The following TMEM184A variants were observed in gnomAD, a reference collection of about 807,000 sequenced individuals.
TMEM184A encodes transmembrane protein 184A.
Under a neutral mutation model 39.5 loss-of-function variants are expected in TMEM184A, and 40 were observed. The observed-to-expected ratio is 1.01, with a 90% CI of 0.79 to 1.32. The LOEUF (loss-of-function observed/expected upper bound fraction) is 1.32, where lower values mean the gene tolerates loss of function less well. Among genes scored for constraint, TMEM184A ranks in the 40% most tolerant of loss-of-function variants. TMEM184A has a pLI of 0.00. For missense variants in TMEM184A, 603 were observed against 568.8 expected, an observed-to-expected ratio of 1.06 and a Z score of -0.61; for synonymous variants, 280 against 252.3, an observed-to-expected ratio of 1.11 and a Z score of -1.04.
intron 6 of TMEM184A, chr7:1,549,015 TCCACCTGG>T (rs551403433): frequency 2.6e-4 from 142 of 538,148 alleles, no homozygotes; most frequent in African/African-American, 2.4e-3. Context: ...CCCAACCCCG[TCCACCTGG>T]CCACTGCCTG....
rs1784381978 is a variant in TMEM184A, at chr7:1,547,104, T to G, written c.1090A>C (p.Ile364Leu). 1 of 1,610,202 alleles carries G rather than the reference T, an allele frequency of 6.2e-7. No homozygotes were observed. The highest frequency in any genetic ancestry group is 1.7e-5 in the Admixed American group (1 of 59,966). ...TGGTAGGCGGGGGAGAAGTTGTGGATGGCGTCCTGCACGATGTCCTGGGGG... is the reference window on the plus strand; with the variant it reads ...TGGTAGGCGGGGGAGAAGTTGTGGAGGGCGTCCTGCACGATGTCCTGGGGG... ...VSPQDIVQDA[I>L]HNFSPAYQHY... The change falls in exon 9 of 9, where the codon ATC becomes CTC. Residue 364 changes from isoleucine to leucine, a missense_variant. By Grantham distance (5) the Ile-to-Leu change is conservative. Coordinates refer to ENST00000297477, the MANE Select transcript of TMEM184A (RefSeq NM_001097620.2).
At position 1,555,125 on chromosome 7, in the gene TMEM184A, C is replaced by T. The variant is rs1156458657; in HGVS notation, c.219+141G>A. 2 of 662,210 alleles carry T rather than the reference C, an allele frequency of 3.0e-6. No individual in the cohort carries two copies. Among genetic ancestry groups the T allele is most frequent in the South Asian group, 2.2e-5 (1 of 45,866 alleles). The allele number at this position is 662,210 out of a possible 1,614,324, so 41.0% of individuals were successfully genotyped here. On this transcript the variant is annotated intron_variant, in intron 2 of 8. Transcript: ENST00000297477. The surrounding 1 kb of genome is among the most constrained non-coding windows in gnomAD (Gnocchi z 5.2). ...TCCCACATGCCACATCCTGGGGAAGCTCATCCCCTCCCCCGTGCCCTGGCC... is the reference window on the plus strand; with the variant it reads ...TCCCACATGCCACATCCTGGGGAAGTTCATCCCCTCCCCCGTGCCCTGGCC...
At chr7:1,548,028 G>A (rs1784417529) in intron 7 of TMEM184A, 89 bp from the exon 8 acceptor site, 7 of 1,412,124 alleles carry the variant, frequency 5.0e-6, no homozygotes, top group South Asian at 1.3e-5. Flanking sequence ...CTCCTCTGAC[G>A]GGTGCTGTGA....
intron 3 of TMEM184A, 59 bp from the exon 4 acceptor site, chr7:1,550,454 G>A: frequency 1.4e-6 from 2 of 1,433,238 alleles, no homozygotes; most frequent in South Asian, 1.2e-5. Context: ...GGACCCCATG[G>A]CGCCCATCTC....
chr7:1,550,895 C>G lies in TMEM184A; in HGVS notation c.307G>C (p.Asp103His). The change falls in exon 3 of 9, where the codon GAC becomes CAC. Residue 103 changes from aspartate (D) to histidine (H), a missense_variant. Physicochemically the swap from Asp to His is moderately conservative, Grantham distance 81 (BLOSUM62 -1). Coordinates refer to ENST00000297477, the MANE Select transcript of TMEM184A (RefSeq NM_001097620.2). ...LLLIVPIYAF[D>H]SWLSLLLLGD... ...AGGAGGAGGAGGCTGAGCCAGGAGT[C>G]GAAGGCGTAGATGGGCACGATGAGG... 1 of 1,613,782 alleles carries G rather than the reference C, an allele frequency of 6.2e-7. No individual in the cohort carries two copies. Among genetic ancestry groups the G allele is most frequent in the African/African-American group, 1.3e-5 (1 of 75,036 alleles).
intron 6 of TMEM184A, 73 bp from the exon 7 acceptor site, chr7:1,548,761 G>C: frequency 1.3e-6 from 2 of 1,532,952 alleles, no homozygotes; most frequent in South Asian, 2.3e-5. Flanking sequence ...AGCCACCGCC[G>C]CTGCACCCTC....
intron 8 of TMEM184A, 27 bp from the exon 9 acceptor site, chr7:1,547,208 A>C (rs1402726462): frequency 1.5e-6 from 2 of 1,353,508 alleles, no homozygotes; most frequent in Admixed American, 3.6e-5. Flanking sequence ...TATGAGCCCC[A>C]CCATCCCCCC....
chr7:1,551,284 C>T (rs1235483935), intron 2 of TMEM184A, among the ~76,000 whole-genome samples: 2 of 81,156 alleles, frequency 2.5e-5, no homozygotes, highest in Non-Finnish European at 4.9e-5. Context: ...CAGGAGGGTT[C>T]GGGTGAGAGC....
chr7:1,551,140 G>T (rs1784576687), intron 2 of TMEM184A, among the ~76,000 whole-genome samples, 158 bp from the exon 3 acceptor site: 1 of 115,284 alleles, frequency 8.7e-6, no homozygotes, highest in Non-Finnish European at 1.8e-5. Context: ...CCGGGAAGGA[G>T]GTGGGGGTGG....
chr7:1,555,495 A>C lies in TMEM184A; in HGVS notation c.1-11T>G, dbSNP rs1421468848. Reference sequence around the variant, plus strand: ...TGAGACATTACTCATCTGCAGAGGGAGGGAGGACACACACCGGGAGGAGTG... The same window carrying C: ...TGAGACATTACTCATCTGCAGAGGGCGGGAGGACACACACCGGGAGGAGTG... On this transcript the variant is annotated splice_polypyrimidine_tract_variant and intron_variant, in intron 1 of 8. Coordinates refer to ENST00000297477, the MANE Select transcript of TMEM184A (RefSeq NM_001097620.2). The surrounding 1 kb of genome is among the most constrained non-coding windows in gnomAD (Gnocchi z 5.2). 1 of 1,598,322 alleles carries C rather than the reference A, an allele frequency of 6.3e-7. No homozygotes were observed.
rs1189999293 is a variant in TMEM184A, at chr7:1,542,379, G to GCCCGCCGTCCCCCTTCATCTC, written c.*4552_*4572dup. 3.8e-4 allele frequency: 58 copies of GCCCGCCGTCCCCCTTCATCTC among 152,732 alleles called. 1 individual carries two copies. The highest frequency in any genetic ancestry group is 1.3e-3 in the African/African-American group (56 of 41,590). 9.5% of individuals were successfully genotyped at this position (152,732 alleles called of 1,614,324 possible). On this transcript the variant is annotated 3_prime_UTR_variant, in exon 9 of 9. Transcript: ENST00000297477. ...TGGGAGCAAAGCGGAGGCCCGGGCT[G>GCCCGCCGTCCCCCTTCATCTC]CCCGCCGTCCCCCTTCATCTCCCCA...
In TMEM184A at chr7:1,555,463, G is replaced by A; in HGVS notation, c.22C>T (p.Leu8=). 2 of 1,607,678 alleles carry A rather than the reference G, an allele frequency of 1.2e-6. No homozygotes were observed. The highest frequency in any genetic ancestry group is 2.2e-5 in the East Asian group (1 of 44,866). MSNVSGI[L]ETAGVPLVSA... is the part of the protein sequence containing the mutation. ...ACCAGGGGGACGCCGGCTGTCTCCA[G>A]GATCCCTGAGACATTACTCATCTGC... is the stretch of plus-strand genomic sequence containing the variant. Residue 8 remains leucine, a synonymous_variant, in exon 2 of 9, where the codon CTG becomes TTG. Coordinates refer to ENST00000297477, the MANE Select transcript of TMEM184A (RefSeq NM_001097620.2). The surrounding 1 kb of genome is among the most constrained non-coding windows in gnomAD (Gnocchi z 5.2).
intron 2 of TMEM184A, among the ~76,000 whole-genome samples, chr7:1,552,969 G>T (rs1226876338): frequency 6.6e-6 from 1 of 151,982 alleles, no homozygotes; most frequent in Admixed American, 6.6e-5. Flanking sequence ...GTGGGAGGAT[G>T]GCTTAAATCC....
In TMEM184A at chr7:1,543,414, C is replaced by CT. The variant is rs1411469985; in HGVS notation, c.*3537dup. On this transcript the variant is annotated 3_prime_UTR_variant, in exon 9 of 9. Transcript: ENST00000297477. ...ACATCTCGCCCAGCTTTGCTGGACT[C>CT]TCAGAGGAGCCTGCAGGAAGCTGTG... 3.3e-5 allele frequency: 5 copies of CT among 152,314 alleles called. No individual in the cohort carries two copies. The highest frequency in any genetic ancestry group is 5.9e-5 in the Non-Finnish European group (4 of 68,090). The allele number at this position is 152,314 out of a possible 1,614,324, so 9.4% of individuals were successfully genotyped here.
In TMEM184A at chr7:1,549,965, G is replaced by A; in HGVS notation, c.553-20C>T. On this transcript the variant is annotated intron_variant, in intron 5 of 8. Transcript: ENST00000297477. ...AGTGGCCTGGGGGCGACGGCACCCGGTGGGCCTGGGGCCAGGTCCCCCAGG... is the reference window on the plus strand; with the variant it reads ...AGTGGCCTGGGGGCGACGGCACCCGATGGGCCTGGGGCCAGGTCCCCCAGG... The A allele has an allele frequency of 6.2e-7, 1 of 1,611,928 alleles. No individual in the cohort carries two copies. The highest frequency in any genetic ancestry group is 8.5e-7 in the Non-Finnish European group (1 of 1,179,260).
Position 1,544,881 on chromosome 7 carries a change from G to A in TMEM184A, c.*2071C>T, listed in dbSNP as rs1784293963. The A allele has an allele frequency of 2.0e-5, 3 of 152,306 alleles. No individual in the cohort carries two copies. The highest frequency in any genetic ancestry group is 4.1e-4 in the South Asian group (2 of 4,838). 9.4% of individuals were successfully genotyped at this position (152,306 alleles called of 1,614,324 possible). ...AGTTTCCTGGCACAGTCCTCGGCTG[G>A]TCTGAGGGGGCATTTGGCGGAAACT... On this transcript the variant is annotated 3_prime_UTR_variant, in exon 9 of 9. Coordinates refer to ENST00000297477, the MANE Select transcript of TMEM184A (RefSeq NM_001097620.2).
chr7:1,551,951 AT>A (rs1784617698), intron 2 of TMEM184A, among the ~76,000 whole-genome samples: 1 of 149,708 alleles, frequency 6.7e-6, no homozygotes. Context: ...AAAAAAAAAT[AT>A]TTTTTTGAGA....
chr7:1,548,442 G>A (rs1269991075), intron 7 of TMEM184A, 77 bp downstream of exon 7: 2 of 1,481,330 alleles, frequency 1.4e-6, no homozygotes, highest in East Asian at 4.5e-5. Flanking sequence ...CTGGGGAAAG[G>A]GGTGTGAGGT....
chr7:1,550,949 G>A lies in TMEM184A; in HGVS notation c.253C>T (p.Gln85Ter). 1.2e-6 allele frequency: 2 copies of A among 1,613,570 alleles called. No individual in the cohort carries two copies. The highest frequency in any genetic ancestry group is 1.1e-5 in the South Asian group (1 of 91,066). ...AGGCGGATGATGTAACGTTGCTCCT[G>A]TGGCACGGTGTAGGAGCGCAGGTGC... ...YLHLRSYTVP[Q>*]EQRYIIRLLL... The change falls in exon 3 of 9, where the codon CAG becomes TAG. Residue 85 changes from glutamine (Q) to a stop codon, truncating the protein, a stop_gained. Coordinates refer to ENST00000297477, the MANE Select transcript of TMEM184A (RefSeq NM_001097620.2). LOFTEE classifies it high-confidence loss of function.
Sources: gnomAD v4.1 joint callset for allele counts (sites outside exome capture counted in the v4.1 genomes callset) on GRCh38, gnomAD v4.1.1 for gene constraint, Gnocchi (gnomAD v3.1) non-coding constraint, MANE v1.5 for transcripts, NCBI Gene and HGNC (gene_info 2026-07-23, HGNC 2026-07-21) for gene names.